Variants in LTN1 observed in about 807,000 individuals in gnomAD.
LTN1 encodes listerin E3 ubiquitin protein ligase 1, also known as E3 ubiquitin-protein ligase listerin.
Under a neutral mutation model 201.2 loss-of-function variants are expected in LTN1, and 88 were observed. The observed-to-expected ratio is 0.44, with a 90% CI of 0.37 to 0.52. The LOEUF is 0.52. LTN1 is among the 20% of genes least tolerant of loss of function. The pLI, the probability that LTN1 is intolerant of heterozygous loss-of-function variation, is 0.00. For missense variants in LTN1, 1,752 were observed against 2,038.7 expected, an observed-to-expected ratio of 0.86 and a Z score of 2.71; for synonymous variants, 645 against 713.5, an observed-to-expected ratio of 0.90 and a Z score of 1.53.
intron 16 of LTN1, among the ~76,000 whole-genome samples, chr21:28,956,094 T>C (rs2084423200): frequency 6.6e-6 from 1 of 151,992 alleles, no homozygotes; most frequent in African/African-American, 2.4e-5. Flanking sequence ...TAGAATAGTA[T>C]AGTAGACTGA....
chr21:28,986,986 C>T lies in LTN1; in HGVS notation c.43-52G>A, dbSNP rs1363866058. ...GTCAGAGTCCAGGAAGGGTTCAAAA[C>T]TTAACTTTATAATTCCTTGGCTATT... is the stretch of plus-strand genomic sequence containing the variant. On this transcript the variant is annotated intron_variant, in intron 1 of 29. Transcript: ENST00000361371. The surrounding 1 kb of genome is among the most constrained non-coding windows in gnomAD (Gnocchi z 4.1). The T allele has an allele frequency of 1.6e-6, 2 of 1,237,064 alleles. No homozygotes were observed. Among genetic ancestry groups the T allele is most frequent in the Non-Finnish European group, 2.4e-6 (2 of 844,162 alleles). 76.6% of individuals were successfully genotyped at this position (1,237,064 alleles called of 1,614,324 possible). A position where few individuals can be genotyped will look rare whatever the true frequency, so the allele number is the denominator to read the frequency against.
chr21:28,943,932 A>C, intron 22 of LTN1, 28 bp from the exon 23 acceptor site: 3 of 1,393,964 alleles, frequency 2.2e-6, no homozygotes, highest in Non-Finnish European at 3.1e-6. Flanking sequence ...AGAAACATGC[A>C]CGTCTCAAAA....
chr21:28,979,865 G>A (rs918978823), intron 6 of LTN1, among the ~76,000 whole-genome samples: 38 of 152,204 alleles, frequency 2.5e-4, no homozygotes, highest in African/African-American at 8.9e-4. Context: ...CCAGCTACTT[G>A]GGAGGCTGAG....
chr21:28,990,840 G>T (rs1210921891), intron 1 of LTN1, among the ~76,000 whole-genome samples: 1 of 152,268 alleles, frequency 6.6e-6, no homozygotes, highest in East Asian at 1.9e-4. Flanking sequence ...CGCTTAAACA[G>T]TACTGAGAAA....
intron 18 of LTN1, among the ~76,000 whole-genome samples, chr21:28,951,046 C>T (rs1170615534): frequency 6.6e-6 from 1 of 151,532 alleles, no homozygotes; most frequent in Non-Finnish European, 1.5e-5. Flanking sequence ...CAAACATACA[C>T]AAACATGTGC....
At chr21:28,940,852 C>A (rs2084291634) in intron 25 of LTN1, among the ~76,000 whole-genome samples, 1 of 152,032 alleles carries the variant, frequency 6.6e-6, no homozygotes, top group Non-Finnish European at 1.5e-5. Flanking sequence ...TTTTGGGAGG[C>A]CAAGGTGGGT....
chr21:28,939,423 A>G (rs1389323842), intron 25 of LTN1, among the ~76,000 whole-genome samples: 1 of 152,208 alleles, frequency 6.6e-6, no homozygotes, highest in Non-Finnish European at 1.5e-5. Context: ...TATAAAACAG[A>G]CACAAAAACA....
In LTN1 at chr21:28,986,415, T is replaced by C; in HGVS notation, c.247-178A>G. On this transcript the variant is annotated intron_variant, in intron 2 of 29. Transcript: ENST00000361371. This position sits in a 1 kb window ranked among gnomAD's most constrained non-coding sequence, Gnocchi z 4.1. Reference sequence around the variant, plus strand: ...GGCTACTACGGTAGAAACTCTTCAGTTGTTTTTTTAAAAATAAAACATCTA... The same window carrying C: ...GGCTACTACGGTAGAAACTCTTCAGCTGTTTTTTTAAAAATAAAACATCTA... The C allele has an allele frequency of 1.5e-6, 1 of 685,082 alleles. No individual in the cohort carries two copies. The highest frequency in any genetic ancestry group is 2.7e-5 in the East Asian group (1 of 36,488). The allele number at this position is 685,082 out of a possible 1,614,324, so 42.4% of individuals were successfully genotyped here. A position where few individuals can be genotyped will look rare whatever the true frequency, so the allele number is the denominator to read the frequency against.
In LTN1 at chr21:28,969,501, C is replaced by T; in HGVS notation, c.1276G>A (p.Glu426Lys). 6.2e-7 allele frequency: 1 copy of T among 1,613,064 alleles called. No homozygotes were observed. Among genetic ancestry groups the T allele is most frequent in the East Asian group, 2.2e-5 (1 of 44,816 alleles). ...LRFIMQQNLG[E>K]EEIEQMLVND... ...ACGAGCATCTGTTCAATCTCTTCCT[C>T]ACCTAAGTTTTGCTGCATTATAAAA... Residue 426 changes from glutamate (E) to lysine (K), a missense_variant, in exon 9 of 30, where the codon GAG (glutamate) becomes AAG (lysine). By Grantham distance (56) the Glu-to-Lys change is moderately conservative. Around this residue, in one of 3 missense-constraint regions of LTN1, gnomAD observed 1,211 missense variants for 1,312.8 expected, o/e 0.92. Transcript: ENST00000361371.
chr21:28,970,712 T>C lies in LTN1; in HGVS notation c.1015A>G (p.Ser339Gly). The change falls in exon 8 of 30, where the codon AGT (serine) becomes GGT (glycine). Residue 339 changes from serine to glycine, a missense_variant. Ser to Gly is a moderately conservative substitution (Grantham distance 56). This residue lies in a region of LTN1 where 1,211 missense variants were observed against 1,312.8 expected (regional missense o/e 0.92). Coordinates refer to ENST00000361371, the MANE Select transcript of LTN1 (RefSeq NM_015565.3). ...DCWLHVNAKK[S>G]VFPKLSTVIR... The stretch of plus-strand genomic sequence containing the variant: ...ACAGTTGATAGCTTGGGAAACACAC[T>C]CTTTTTTGCATTTACATGAAGCCAA... 6.2e-7 allele frequency: 1 copy of C among 1,613,924 alleles called. No homozygotes were observed.
In LTN1 at chr21:28,945,865, G is replaced by A. The variant is rs765760701; in HGVS notation, c.3710C>T (p.Ser1237Phe). Residue 1237 changes from serine (S) to phenylalanine (F), a missense_variant, in exon 21 of 30, where the codon TCC becomes TTC. Transcript: ENST00000361371. Reference protein sequence around the residue: ...FLSLFLKYCSSPLAESEWDFI... With the variant: ...FLSLFLKYCSFPLAESEWDFI... ...GTCCCACTCACTCTCTGCCAAAGGG[G>A]ATGAGCAGTATTTCAGAAATAGGGA... The A allele has an allele frequency of 4.3e-6, 7 of 1,613,666 alleles. No homozygotes were observed. The Admixed American group carries it at 5.0e-5, about 12-fold the overall frequency.
Position 28,941,521 on chromosome 21 carries a change from G to A in LTN1, c.4296-115C>T, listed in dbSNP as rs1430134006. ...AAAATTTCTCTGTTTTCCAAAAAAC[G>A]TTTTAAAAATTCCCCTCTATTGAGC... On this transcript the variant is annotated intron_variant, in intron 24 of 29. Coordinates refer to ENST00000361371, the MANE Select transcript of LTN1 (RefSeq NM_015565.3). 1.8e-5 allele frequency: 15 copies of A among 832,740 alleles called. No homozygotes were observed. In the Middle Eastern group the frequency reaches 7.5e-4, roughly 41 times the overall value. 51.6% of individuals were successfully genotyped at this position (832,740 alleles called of 1,614,324 possible).
At chr21:28,967,887 A>G (rs1291564974) in intron 9 of LTN1, 3 of 152,182 alleles carry the variant, frequency 2.0e-5, no homozygotes, top group African/African-American at 7.2e-5. Flanking sequence ...TGGAGGACAC[A>G]TAGCTGGTAT....
In LTN1 at chr21:28,952,273, G is replaced by A. The variant is rs1386081991; in HGVS notation, c.3240-9C>T. Reference sequence around the variant, plus strand: ...TGCCATGTTCTCTGGACCTGAAAAAGGAAAGAAAAAAATTATATTCCGTTT... The same window carrying A: ...TGCCATGTTCTCTGGACCTGAAAAAAGAAAGAAAAAAATTATATTCCGTTT... On this transcript the variant is annotated splice_polypyrimidine_tract_variant and intron_variant, in intron 17 of 29. Coordinates refer to ENST00000361371, the MANE Select transcript of LTN1 (RefSeq NM_015565.3). 4 of 1,506,156 alleles carry A rather than the reference G, an allele frequency of 2.7e-6. No individual in the cohort carries two copies. Among genetic ancestry groups the A allele is most frequent in the Admixed American group, 2.0e-5 (1 of 50,528 alleles). The allele number at this position is 1,506,156 out of a possible 1,614,324, so 93.3% of individuals were successfully genotyped here. A position where few individuals can be genotyped will look rare whatever the true frequency, so the allele number is the denominator to read the frequency against.
chr21:28,943,096 T>C (rs903331537), intron 24 of LTN1, among the ~76,000 whole-genome samples, 166 bp downstream of exon 24: 1 of 152,150 alleles, frequency 6.6e-6, no homozygotes, highest in African/African-American at 2.4e-5. Flanking sequence ...ACACAATCTT[T>C]TGGGTGAAAT....
intron 29 of LTN1, 120 bp from the exon 30 acceptor site, chr21:28,930,630 A>C (rs11088101): frequency 0.19 from 113,514 of 598,852 alleles, 11,748 homozygotes; most frequent in African/African-American, 0.29. Flanking sequence ...GGGAAGAACA[A>C]TAAAATTTTT....
intron 25 of LTN1, among the ~76,000 whole-genome samples, chr21:28,940,965 T>C (rs2146263934): frequency 6.6e-6 from 1 of 152,306 alleles, no homozygotes; most frequent in East Asian, 1.9e-4. Context: ...CTTGCACCTG[T>C]AGTCCCAGCT....
intron 11 of LTN1, among the ~76,000 whole-genome samples, chr21:28,963,387 T>C (rs1365152571): frequency 6.6e-6 from 1 of 152,200 alleles, no homozygotes; most frequent in Non-Finnish European, 1.5e-5. Flanking sequence ...TTATGCTAAA[T>C]CTACTTTGCC....
At chr21:28,931,057 C>G in intron 29 of LTN1, 98 bp downstream of exon 29, 1 of 691,702 alleles carries the variant, frequency 1.4e-6, no homozygotes, top group Non-Finnish European at 2.3e-6. Flanking sequence ...CGAAGTTAGA[C>G]ATTGTGTAGG....
Sources: allele counts gnomAD v4.1 joint callset (sites outside exome capture counted in the v4.1 genomes callset), GRCh38; gene constraint gnomAD v4.1.1; regional missense constraint gnomAD v4.1.1; non-coding constraint Gnocchi (gnomAD v3.1); transcripts MANE v1.5; gene names NCBI Gene and HGNC (gene_info 2026-07-23, HGNC 2026-07-21).